LRRC9: variants seen among roughly 807,000 people sequenced by gnomAD.
LRRC9 encodes the protein leucine-rich repeat-containing protein 9.
A neutral mutation model predicts 63.2 loss-of-function variants in LRRC9; 122 were observed. That is an observed-to-expected ratio of 1.93 (90% CI 1.67 to 2.24). The LOEUF (loss-of-function observed/expected upper bound fraction) is 2.24. Ranked by LOEUF, LRRC9 falls within the 30% of genes most tolerant of loss-of-function variation. The pLI is 0.00. For missense variants in LRRC9, 1,071 were observed against 627.7 expected, an observed-to-expected ratio of 1.71 and a Z score of -7.55; for synonymous variants, 366 against 213.1, an observed-to-expected ratio of 1.72 and a Z score of -6.25.
rs547500492 is a variant in LRRC9, at chr14:60,042,471, C to T, written c.3990+10408C>T. On this transcript the variant is annotated intron_variant, in intron 29 of 31. Coordinates refer to ENST00000445360, the Ensembl canonical transcript of LRRC9. The surrounding 1 kb of genome is among the most constrained non-coding windows in gnomAD (Gnocchi z 4.2). ...ATGGCGGATGCCCCTCCCCTAGCCT[C>T]GCTGCTGCCTTGCAGTTCGATCTCA... 2.4e-3 allele frequency among the ~76,000 whole-genome samples: 369 copies of T among 152,330 alleles called. No homozygotes were observed. The highest frequency in any genetic ancestry group is 3.5e-3 in the Non-Finnish European group (240 of 68,026).
rs190222943 is a variant in LRRC9 at position 59,968,973 on chromosome 14, A to G, written c.1506+1760A>G. The stretch of plus-strand genomic sequence containing the variant: ...ACCAGTTTTTAAAGACTGAGTATGG[A>G]AAAAAAACACTATAATTTTTATATT... On this transcript the variant is annotated intron_variant, in intron 12 of 31. Transcript: ENST00000445360. The G allele has an allele frequency of 3.5e-4, 10 of 28,312 alleles. 1 individual carries two copies. Among genetic ancestry groups the G allele is most frequent in the African/African-American group, 8.6e-4 (10 of 11,678 alleles). The allele number at this position is 28,312 out of a possible 1,614,324, so 1.8% of individuals were successfully genotyped here.
intron 30 of LRRC9, among the ~76,000 whole-genome samples, chr14:60,056,088 T>C (rs1894264541): frequency 6.6e-6 from 1 of 152,206 alleles, no homozygotes; most frequent in Non-Finnish European, 1.5e-5. Flanking sequence ...TCTGACCTTC[T>C]GCCTCCTTCT....
intron 23 of LRRC9, among the ~76,000 whole-genome samples, chr14:60,012,676 C>T (rs957818682): frequency 4.6e-5 from 7 of 152,170 alleles, no homozygotes; most frequent in Non-Finnish European, 1.0e-4. Flanking sequence ...TATTGGAACA[C>T]ATCCATGCCT....
Position 59,986,266 on chromosome 14 carries a change from A to C in LRRC9, c.2211+1042A>C, listed in dbSNP as rs1887462526. 6.6e-6 allele frequency among the ~76,000 whole-genome samples: 1 copy of C among 152,200 alleles called. No individual in the cohort carries two copies. The highest frequency in any genetic ancestry group is 2.1e-4 in the South Asian group (1 of 4,828). On this transcript the variant is annotated intron_variant, in intron 17 of 31. Transcript: ENST00000445360. The surrounding 1 kb of genome is among the most constrained non-coding windows in gnomAD (Gnocchi z 4.7). ...ATATGTGGTTCCAGAACTGCAACCC[A>C]GCATCTCCTGTTTACATGGGTTCCA...
Position 60,018,497 on chromosome 14 carries a change from T to A in LRRC9, c.3426+18T>A, listed in dbSNP as rs1248636152. ...ATGTGAAGGTAAGTCATTCACAAAT[T>A]TTTCTTTCTTTCAAGGTTTCCAATG... On this transcript the variant is annotated intron_variant, in intron 25 of 31. Coordinates refer to ENST00000445360, the Ensembl canonical transcript of LRRC9. The A allele has an allele frequency of 2.9e-6, 2 of 682,442 alleles. No individual in the cohort carries two copies. Among genetic ancestry groups the A allele is most frequent in the East Asian group, 5.4e-5 (2 of 36,702 alleles). 42.3% of individuals were successfully genotyped at this position (682,442 alleles called of 1,614,324 possible).
rs1881272602 is a variant in LRRC9, at chr14:59,938,322, G to C, written c.544-68G>C. ...TGCATTAGACTATGGCTGATCTTAG[G>C]TGTTCAAATACTGCCTTTAGAAATG... On this transcript the variant is annotated intron_variant, in intron 6 of 31. Transcript: ENST00000445360. The surrounding 1 kb of genome is among the most constrained non-coding windows in gnomAD (Gnocchi z 4.2). 1.7e-6 allele frequency: 1 copy of C among 591,486 alleles called. No individual in the cohort carries two copies. Among genetic ancestry groups the C allele is most frequent in the Admixed American group, 2.8e-5 (1 of 36,002 alleles). 36.6% of individuals were successfully genotyped at this position (591,486 alleles called of 1,614,324 possible). A position where few individuals can be genotyped will look rare whatever the true frequency, so the allele number is the denominator to read the frequency against.
At position 59,960,913 on chromosome 14, in the gene LRRC9, G is replaced by T; in HGVS notation, c.1080-1G>T. On this transcript the variant is annotated splice_acceptor_variant, in intron 9 of 31. Transcript: ENST00000445360. LOFTEE classifies it high-confidence loss of function. ...GCTGTATGTATTTTTCTCTCCAATAGAATTGAAGCAATTTATCATATTGAA... is the reference window on the plus strand; with the variant it reads ...GCTGTATGTATTTTTCTCTCCAATATAATTGAAGCAATTTATCATATTGAA... 1 of 663,826 alleles carries T rather than the reference G, an allele frequency of 1.5e-6. No individual in the cohort carries two copies. 41.1% of individuals were successfully genotyped at this position (663,826 alleles called of 1,614,324 possible).
chr14:60,005,664 A>C (rs945305298), intron 21 of LRRC9, among the ~76,000 whole-genome samples: 8 of 152,132 alleles, frequency 5.3e-5, no homozygotes, highest in African/African-American at 1.9e-4. Flanking sequence ...TACTTTCCAA[A>C]CATTATTCCA....
intron 19 of LRRC9, among the ~76,000 whole-genome samples, chr14:60,001,036 C>T (rs1889312148): frequency 1.3e-5 from 2 of 152,112 alleles, no homozygotes; most frequent in African/African-American, 4.8e-5. Flanking sequence ...CAATGACCTA[C>T]CAATTTTTGC....
Position 60,023,762 on chromosome 14 carries a change from A to C in LRRC9, c.3703+892A>C, listed in dbSNP as rs562784388. 1.0e-3 allele frequency among the ~76,000 whole-genome samples: 154 copies of C among 152,200 alleles called. 1 individual carries two copies. The South Asian group carries it at 0.018, about 18-fold the overall frequency. ...CTGCACCCAACAACCCATCATCTACATTAGGTATTTCTCCTAATGCTTTCC... is the reference window on the plus strand; with the variant it reads ...CTGCACCCAACAACCCATCATCTACCTTAGGTATTTCTCCTAATGCTTTCC... On this transcript the variant is annotated intron_variant, in intron 27 of 31. Transcript: ENST00000445360.
intron 1 of LRRC9, among the ~76,000 whole-genome samples, chr14:59,921,543 T>C (rs1372150475): frequency 6.6e-6 from 1 of 152,014 alleles, no homozygotes; most frequent in African/African-American, 2.4e-5. Flanking sequence ...GAGTCAAAGA[T>C]TGGTTGAGGA....
chr14:59,928,881 A>G (rs1313333061), intron 3 of LRRC9, among the ~76,000 whole-genome samples: 1 of 152,058 alleles, frequency 6.6e-6, no homozygotes, highest in Admixed American at 6.6e-5. Context: ...TATACAGAAG[A>G]TTGAAACTGT....
Position 60,019,110 on chromosome 14 carries a change from T to A in LRRC9, c.3427-11T>A, listed in dbSNP as rs1890920906. On this transcript the variant is annotated splice_polypyrimidine_tract_variant and intron_variant, in intron 25 of 31. Transcript: ENST00000445360. ...CTAGGATTTCTGATTAATAAGATAT[T>A]CTTTCTGTAGGTCTTATGCCTTAAC... is the stretch of plus-strand genomic sequence containing the variant. 3.0e-6 allele frequency: 2 copies of A among 658,598 alleles called. No homozygotes were observed. Among genetic ancestry groups the A allele is most frequent in the Non-Finnish European group, 5.4e-6 (2 of 367,434 alleles). 40.8% of individuals were successfully genotyped at this position (658,598 alleles called of 1,614,324 possible). A position where few individuals can be genotyped will look rare whatever the true frequency, so the allele number is the denominator to read the frequency against.
intron 29 of LRRC9, among the ~76,000 whole-genome samples, chr14:60,040,874 G>A (rs1016662331): frequency 9.2e-5 from 14 of 151,838 alleles, no homozygotes; most frequent in Non-Finnish European, 8.8e-5. Flanking sequence ...TTACAATTTG[G>A]CATGTTTTTG....
Position 60,004,270 on chromosome 14 carries a change from G to T in LRRC9, c.2842+472G>T, listed in dbSNP as rs751481906. 4.0e-5 allele frequency among the ~76,000 whole-genome samples: 6 copies of T among 151,768 alleles called. No homozygotes were observed. Among genetic ancestry groups the T allele is most frequent in the African/African-American group, 7.3e-5 (3 of 41,318 alleles). ...TAAAGTTGAGTAAACAAATGAATGAGGTATGCTTTTGAAAAAGATAAAGCA... is the reference window on the plus strand; with the variant it reads ...TAAAGTTGAGTAAACAAATGAATGATGTATGCTTTTGAAAAAGATAAAGCA... On this transcript the variant is annotated intron_variant, in intron 21 of 31. Transcript: ENST00000445360. The surrounding 1 kb of genome is among the most constrained non-coding windows in gnomAD (Gnocchi z 4.8).
intron 27 of LRRC9, among the ~76,000 whole-genome samples, chr14:60,024,217 C>A (rs1891339378): frequency 6.6e-6 from 1 of 152,016 alleles, no homozygotes; most frequent in Non-Finnish European, 1.5e-5. Context: ...TGAGGAATTG[C>A]CACACTGTCT....
At position 60,063,509 on chromosome 14, in the gene LRRC9, A is replaced by C. The variant is rs1374843142; in HGVS notation, c.*101A>C. The C allele has an allele frequency of 6.8e-6, 4 of 592,014 alleles. No homozygotes were observed. In the African/African-American group the frequency reaches 7.5e-5, roughly 11 times the overall value. 36.7% of individuals were successfully genotyped at this position (592,014 alleles called of 1,614,324 possible). ...AAGCACTTCAGTTCCATATGAAGAT[A>C]ATCTATTACCCTTCATGAACTTGAT... On this transcript the variant is annotated 3_prime_UTR_variant, in exon 32 of 32. Transcript: ENST00000445360.
rs1884917087 is a variant in LRRC9 at position 59,966,887 on chromosome 14, T to C, written c.1388+122T>C. The C allele has an allele frequency of 1.8e-6, 1 of 555,528 alleles. No individual in the cohort carries two copies. Among genetic ancestry groups the C allele is most frequent in the Non-Finnish European group, 3.2e-6 (1 of 311,238 alleles). 34.4% of individuals were successfully genotyped at this position (555,528 alleles called of 1,614,324 possible). A position where few individuals can be genotyped will look rare whatever the true frequency, so the allele number is the denominator to read the frequency against. On this transcript the variant is annotated intron_variant, in intron 11 of 31. Transcript: ENST00000445360. The surrounding 1 kb of genome is among the most constrained non-coding windows in gnomAD (Gnocchi z 4.0). ...ATACCTTGTTAGTAAATGTTTCCTT[T>C]TTATGCATCTCCCATGGCCAGGATG...
intron 17 of LRRC9, among the ~76,000 whole-genome samples, chr14:59,989,493 T>C (rs1430752028): frequency 6.6e-6 from 1 of 152,212 alleles, no homozygotes; most frequent in Non-Finnish European, 1.5e-5. Flanking sequence ...TCATTGTTTC[T>C]GGGTCCTTTC....
Sources: gnomAD v4.1 joint callset for allele counts (sites outside exome capture counted in the v4.1 genomes callset) on GRCh38, gnomAD v4.1.1 for gene constraint, Gnocchi (gnomAD v3.1) non-coding constraint, MANE v1.5 for transcripts, NCBI Gene and HGNC (gene_info 2026-07-23, HGNC 2026-07-21) for gene names.